Variants in AUTS2 observed in about 807,000 individuals in gnomAD.
The protein encoded by AUTS2 is activator of transcription and developmental regulator AUTS2.
Under a neutral mutation model 112.4 loss-of-function variants are expected in AUTS2, and 17 were observed. The ratio of observed to expected loss-of-function variants is 0.15; its 90% CI spans 0.10 to 0.23. AUTS2 has a LOEUF of 0.23. Among genes scored for constraint, AUTS2 ranks in the 10% least tolerant of loss-of-function variants. The pLI, the probability that AUTS2 is intolerant of heterozygous loss-of-function variation, is 1.00. For missense variants in AUTS2, 1,510 were observed against 1,701.6 expected (o/e 0.89, Z 1.98); for synonymous variants, 751 against 702.7 (o/e 1.07, Z -1.09).
chr7:70,379,092 C>G (rs748468863), intron 4 of AUTS2, among the ~76,000 whole-genome samples: 1 of 152,022 alleles, frequency 6.6e-6, no homozygotes, highest in Non-Finnish European at 1.5e-5. Flanking sequence ...ATATAATGCC[C>G]TTTACTACCT....
intron 2 of AUTS2, among the ~76,000 whole-genome samples, chr7:69,982,612 T>C (rs1380144387): frequency 1.3e-5 from 2 of 152,162 alleles, no homozygotes; most frequent in African/African-American, 4.8e-5. Flanking sequence ...GAAAACTACA[T>C]GAGTGCGTTT....
rs71530329 is a variant in AUTS2, at chr7:70,784,767, A to C, written c.2147-175A>C. 75 of 272,380 alleles carry C rather than the reference A, an allele frequency of 2.8e-4. 2 individuals carry two copies. Among genetic ancestry groups the C allele is most frequent in the Non-Finnish European group, 3.9e-4 (59 of 152,934 alleles). The allele number at this position is 272,380 out of a possible 1,614,324, so 16.9% of individuals were successfully genotyped here. A position where few individuals can be genotyped will look rare whatever the true frequency, so the allele number is the denominator to read the frequency against. Reference sequence around the variant, plus strand: ...TAAAAAAAAAAAAAAAAAAAAAAAAAAAAAAACACACATTTTCTTTTACCC... The same window carrying C: ...TAAAAAAAAAAAAAAAAAAAAAAAACAAAAAACACACATTTTCTTTTACCC... On this transcript the variant is annotated intron_variant, in intron 15 of 18. Transcript: ENST00000342771.
chr7:70,694,494 C>T lies in AUTS2; in HGVS notation c.691-4075C>T, dbSNP rs547648725. The T allele has an allele frequency of 8.7e-5, 13 of 148,886 alleles. No homozygotes were observed. Among genetic ancestry groups the T allele is most frequent in the African/African-American group, 3.2e-4 (13 of 41,058 alleles). 9.2% of individuals were successfully genotyped at this position (148,886 alleles called of 1,614,324 possible). A position where few individuals can be genotyped will look rare whatever the true frequency, so the allele number is the denominator to read the frequency against. On this transcript the variant is annotated intron_variant, in intron 5 of 18. Transcript: ENST00000342771. This position sits in a 1 kb window ranked among gnomAD's most constrained non-coding sequence, Gnocchi z 4.1. Reference sequence around the variant, plus strand: ...CCGCCGGGGAGAAGCCGCCGCGCGCCCTCCTCCTCCTCCTCCCTCTCCCTC... The same window carrying T: ...CCGCCGGGGAGAAGCCGCCGCGCGCTCTCCTCCTCCTCCTCCCTCTCCCTC...
At chr7:70,259,795 C>G (rs985341801) in intron 4 of AUTS2, among the ~76,000 whole-genome samples, 1 of 152,178 alleles carries the variant, frequency 6.6e-6, no homozygotes, top group African/African-American at 2.4e-5. Flanking sequence ...GCTTGGATCT[C>G]TCAAAGCTGT....
chr7:70,743,468 C>CAAAAAAAAAAA (rs35444664), intron 6 of AUTS2, among the ~76,000 whole-genome samples: 1 of 71,246 alleles, frequency 1.4e-5, no homozygotes, highest in Non-Finnish European at 2.5e-5. Flanking sequence ...GACTCTGTCT[C>CAAAAAAAAAAA]AAAAAAAAAA....
chr7:69,886,136 T>A (rs1266975358), intron 1 of AUTS2, among the ~76,000 whole-genome samples: 1 of 152,140 alleles, frequency 6.6e-6, no homozygotes, highest in Non-Finnish European at 1.5e-5. Context: ...CATTTATAGG[T>A]ATTGAGGTAG....
chr7:70,737,988 A>C (rs1205783565), intron 6 of AUTS2, among the ~76,000 whole-genome samples: 2 of 152,026 alleles, frequency 1.3e-5, no homozygotes, highest in African/African-American at 4.8e-5. Flanking sequence ...AAAGCCCTCT[A>C]TTTGAAGGCT....
Position 70,626,358 on chromosome 7 carries a change from T to TA in AUTS2, c.691-72185dup, listed in dbSNP as rs10572995. Among the ~76,000 whole-genome samples, 523 of 113,334 alleles carry TA rather than the reference T, an allele frequency of 4.6e-3. 1 individual carries two copies. Among genetic ancestry groups the TA allele is most frequent in the Non-Finnish European group, 7.0e-3 (404 of 58,122 alleles). The allele number at this position is 113,334 out of a possible 152,430, so 74.4% of individuals were successfully genotyped here. ...GGGCAACATAGCAAGACCTTGTTTC[T>TA]AAAAAAAAAAAAAAAAAAAAAAAAA... is the stretch of plus-strand genomic sequence containing the variant. On this transcript the variant is annotated intron_variant, in intron 5 of 18. Coordinates refer to ENST00000342771, the MANE Select transcript of AUTS2 (RefSeq NM_015570.4).
At chr7:70,316,083 C>T (rs1459780892) in intron 4 of AUTS2, among the ~76,000 whole-genome samples, 2 of 152,024 alleles carry the variant, frequency 1.3e-5, no homozygotes, top group South Asian at 4.1e-4. Flanking sequence ...TGAATTAATG[C>T]AGTATAAAAT....
chr7:70,229,233 C>CT (rs1422331926), intron 4 of AUTS2, among the ~76,000 whole-genome samples: 1 of 151,914 alleles, frequency 6.6e-6, no homozygotes, highest in Admixed American at 6.6e-5. Flanking sequence ...TCCTAATGAA[C>CT]TTTATGTTTT....
chr7:70,570,746 T>C (rs2129525283), intron 5 of AUTS2, among the ~76,000 whole-genome samples: 1 of 152,218 alleles, frequency 6.6e-6, no homozygotes, highest in East Asian at 1.9e-4. Flanking sequence ...CCCTCTCTTC[T>C]GTGACCTTAC....
At chr7:70,465,596 G>A (rs1797140446) in intron 5 of AUTS2, among the ~76,000 whole-genome samples, 2 of 152,234 alleles carry the variant, frequency 1.3e-5, no homozygotes, top group Non-Finnish European at 2.9e-5. Flanking sequence ...GGAATAGAGG[G>A]GCCCTATGAA....
At chr7:70,170,806 C>A (rs1455015241) in intron 4 of AUTS2, among the ~76,000 whole-genome samples, 1 of 152,020 alleles carries the variant, frequency 6.6e-6, no homozygotes, top group Non-Finnish European at 1.5e-5. Flanking sequence ...CAGGGTTTCA[C>A]CATTTTGGCC....
intron 4 of AUTS2, among the ~76,000 whole-genome samples, chr7:70,179,029 G>T (rs1809156077): frequency 6.6e-6 from 1 of 151,954 alleles, no homozygotes; most frequent in Non-Finnish European, 1.5e-5. Flanking sequence ...GTTTACCCTG[G>T]CCCCACCTTT....
chr7:69,898,632 A>G (rs902163860), intron 1 of AUTS2, among the ~76,000 whole-genome samples: 1 of 152,076 alleles, frequency 6.6e-6, no homozygotes, highest in Non-Finnish European at 1.5e-5. Context: ...TTGATTTCCC[A>G]TTTCCTACCC....
At chr7:70,363,214 G>C (rs1369654775) in intron 4 of AUTS2, among the ~76,000 whole-genome samples, 4 of 152,082 alleles carry the variant, frequency 2.6e-5, no homozygotes, top group African/African-American at 9.7e-5. Context: ...GTCTCTAATG[G>C]TTGGACATTT....
chr7:69,966,776 C>A (rs188228801), intron 2 of AUTS2, among the ~76,000 whole-genome samples: 49 of 152,188 alleles, frequency 3.2e-4, no homozygotes, highest in Admixed American at 1.8e-3. Flanking sequence ...TCTTTCATCT[C>A]GTAAACTGAG....
At chr7:70,494,451 G>T (rs1457469169) in intron 5 of AUTS2, among the ~76,000 whole-genome samples, 1 of 152,174 alleles carries the variant, frequency 6.6e-6, no homozygotes. Flanking sequence ...CGAGGAAAAT[G>T]CCAGAATGTA....
intron 6 of AUTS2, among the ~76,000 whole-genome samples, chr7:70,707,690 A>G (rs1290782768): frequency 6.6e-6 from 1 of 152,154 alleles, no homozygotes; most frequent in African/African-American, 2.4e-5. Flanking sequence ...GATGTCAACC[A>G]TTATCCCATC....
Sources: allele counts gnomAD v4.1 joint callset (sites outside exome capture counted in the v4.1 genomes callset), GRCh38; gene constraint gnomAD v4.1.1; non-coding constraint Gnocchi (gnomAD v3.1); transcripts MANE v1.5; gene names NCBI Gene and HGNC (gene_info 2026-07-23, HGNC 2026-07-21).